The following RFTN2 variants were observed in gnomAD, a reference collection of about 807,000 sequenced individuals.
The protein encoded by RFTN2 is raftlin family member 2.
In RFTN2, 34 loss-of-function variants were observed where a neutral mutation model predicts 52.7. That is an observed-to-expected ratio of 0.64 (90% CI 0.49 to 0.86). RFTN2 has a LOEUF of 0.86. Among genes scored for constraint, RFTN2 ranks in the 40% least tolerant of loss-of-function variants. RFTN2 has a pLI of 0.00. For synonymous variants in RFTN2, 203 were observed against 217.7 expected (o/e 0.93, Z 0.59); for missense variants, 536 against 600.1 (o/e 0.89, Z 1.12).
intron 1 of RFTN2, among the ~76,000 whole-genome samples, chr2:197,664,835 C>G (rs1467871991): frequency 1.3e-5 from 2 of 152,090 alleles, no homozygotes; most frequent in Non-Finnish European, 2.9e-5. Flanking sequence ...ATGATTTATT[C>G]TAGAGAATGT....
At chr2:197,591,960 C>T (rs2087722846) in intron 8 of RFTN2, among the ~76,000 whole-genome samples, 1 of 152,106 alleles carries the variant, frequency 6.6e-6, no homozygotes, top group Non-Finnish European at 1.5e-5. Flanking sequence ...CCCTGCAAGC[C>T]GAGGGAGCCG....
chr2:197,667,464 C>A (rs2089078217), intron 1 of RFTN2, among the ~76,000 whole-genome samples: 1 of 152,088 alleles, frequency 6.6e-6, no homozygotes, highest in South Asian at 2.1e-4. Context: ...TGATCTGTTG[C>A]CTGAGGATTA....
At chr2:197,637,216 C>G (rs1475408152) in intron 3 of RFTN2, among the ~76,000 whole-genome samples, 1 of 151,616 alleles carries the variant, frequency 6.6e-6, no homozygotes, top group Non-Finnish European at 1.5e-5. Context: ...TTGGTTGTGT[C>G]TCTGCCCGGC....
At chr2:197,609,814 C>T (rs879904520) in intron 7 of RFTN2, among the ~76,000 whole-genome samples, 1 of 152,110 alleles carries the variant, frequency 6.6e-6, no homozygotes, top group South Asian at 2.1e-4. Flanking sequence ...GGGAAGGGAT[C>T]CAGTTTCAGC....
chr2:197,569,944 A>AG lies in RFTN2; in HGVS notation c.*2063_*2064insC, dbSNP rs1487786056. ...GGCTCTGTCTCAAAAAAAAAAAAAA[A>AG]AAAAAAAAGTTATTGCTATATTTCT... On this transcript the variant is annotated 3_prime_UTR_variant, in exon 9 of 9. Coordinates refer to ENST00000295049, the MANE Select transcript of RFTN2 (RefSeq NM_144629.3). 6.6e-6 allele frequency: 1 copy of AG among 151,766 alleles called. No homozygotes were observed. Among genetic ancestry groups the AG allele is most frequent in the Non-Finnish European group, 1.5e-5 (1 of 67,952 alleles). 9.4% of individuals were successfully genotyped at this position (151,766 alleles called of 1,614,324 possible).
chr2:197,613,216 T>C (rs1161407963), intron 7 of RFTN2, among the ~76,000 whole-genome samples: 1 of 152,242 alleles, frequency 6.6e-6, no homozygotes, highest in Non-Finnish European at 1.5e-5. Context: ...TCAGAAATTT[T>C]GGTTCTGCTA....
intron 1 of RFTN2, among the ~76,000 whole-genome samples, chr2:197,662,221 G>A (rs1360762836): frequency 6.6e-6 from 1 of 152,064 alleles, no homozygotes; most frequent in Non-Finnish European, 1.5e-5. Context: ...ATGTCCTGAA[G>A]TGTTTTTCTT....
rs149644311 is a variant in RFTN2, at chr2:197,642,202, C to T, written c.438+1956G>A. Among the ~76,000 whole-genome samples, 5 of 152,270 alleles carry T rather than the reference C, an allele frequency of 3.3e-5. No individual in the cohort carries two copies. The East Asian group carries it at 9.6e-4, about 29-fold the overall frequency. On this transcript the variant is annotated intron_variant, in intron 3 of 8. Transcript: ENST00000295049. Reference sequence around the variant, plus strand: ...TATCCCCAAACCACAGATAATCTTACATACATAGTATTTAACGCTTGGAAA... The same window carrying T: ...TATCCCCAAACCACAGATAATCTTATATACATAGTATTTAACGCTTGGAAA...
chr2:197,656,738 T>G (rs953191622), intron 1 of RFTN2, among the ~76,000 whole-genome samples: 1 of 152,154 alleles, frequency 6.6e-6, no homozygotes, highest in African/African-American at 2.4e-5. Flanking sequence ...AGAGCAGAAA[T>G]CTTGAACTCA....
At chr2:197,634,362 C>T (rs951815316) in intron 3 of RFTN2, among the ~76,000 whole-genome samples, 1 of 152,058 alleles carries the variant, frequency 6.6e-6, no homozygotes, top group African/African-American at 2.4e-5. Context: ...CCAAGAAATT[C>T]CTAAAAATAA....
chr2:197,581,702 G>A (rs995702022), intron 8 of RFTN2, among the ~76,000 whole-genome samples: 4 of 151,976 alleles, frequency 2.6e-5, no homozygotes, highest in African/African-American at 4.8e-5. Flanking sequence ...TACCTACCTC[G>A]GCATAATTCT....
intron 7 of RFTN2, among the ~76,000 whole-genome samples, chr2:197,609,218 C>G (rs955207224): frequency 1.3e-5 from 2 of 152,162 alleles, no homozygotes; most frequent in Admixed American, 6.5e-5. Context: ...CACTGTCTTC[C>G]ACATGGTTGA....
In RFTN2 at chr2:197,596,021, A is replaced by G. The variant is rs1187316803; in HGVS notation, c.1203T>C (p.Val401=). The change falls in exon 8 of 9, where the codon GTT becomes GTC. Residue 401 remains valine (V), a synonymous_variant. Coordinates refer to ENST00000295049, the MANE Select transcript of RFTN2 (RefSeq NM_144629.3). ...TKQIVFLQRP[V]MWNSAAQTPD... ...GTGTTTGAGCAGCTGAATTCCACAT[A>G]ACTGGCCTCTGAAGGAATACGATCT... 1 of 1,612,630 alleles carries G rather than the reference A, an allele frequency of 6.2e-7. No homozygotes were observed. The highest frequency in any genetic ancestry group is 8.5e-7 in the Non-Finnish European group (1 of 1,178,804).
rs1383098093 is a variant in RFTN2, at chr2:197,646,471, T to C, written c.323+12A>G. The C allele has an allele frequency of 1.9e-6, 3 of 1,604,948 alleles. No individual in the cohort carries two copies. Among genetic ancestry groups the C allele is most frequent in the Non-Finnish European group, 2.6e-6 (3 of 1,175,630 alleles). On this transcript the variant is annotated intron_variant, in intron 2 of 8. Coordinates refer to ENST00000295049, the MANE Select transcript of RFTN2 (RefSeq NM_144629.3). Reference sequence around the variant, plus strand: ...CACCCTCACCTGCCTCTTTCTTGAATAGTGTGCTTACCTTAATTTCAAGCG... The same window carrying C: ...CACCCTCACCTGCCTCTTTCTTGAACAGTGTGCTTACCTTAATTTCAAGCG...
At chr2:197,624,722 A>G (rs2088326219) in intron 5 of RFTN2, among the ~76,000 whole-genome samples, 1 of 151,198 alleles carries the variant, frequency 6.6e-6, no homozygotes, top group South Asian at 2.1e-4. Flanking sequence ...GCACTTTGGG[A>G]GGCTGAGGCA....
At chr2:197,632,874 T>C (rs2088489450) in intron 4 of RFTN2, among the ~76,000 whole-genome samples, 1 of 152,312 alleles carries the variant, frequency 6.6e-6, no homozygotes, top group East Asian at 1.9e-4. Context: ...GAAGGATCAG[T>C]TAATAGCAGT....
chr2:197,572,701 T>C (rs77694291), intron 8 of RFTN2, among the ~76,000 whole-genome samples: 1,746 of 152,314 alleles, frequency 0.011, 32 homozygotes, highest in African/African-American at 0.04. Flanking sequence ...TACACCCATG[T>C]CATGTAGACA....
At chr2:197,669,141 T>C (rs1018994727) in intron 1 of RFTN2, among the ~76,000 whole-genome samples, 1 of 152,238 alleles carries the variant, frequency 6.6e-6, no homozygotes, top group Admixed American at 6.5e-5. Context: ...TAAAATACAA[T>C]AAAATTCTAT....
In RFTN2 at chr2:197,633,579, A is replaced by C. The variant is rs567383677; in HGVS notation, c.718+139T>G. On this transcript the variant is annotated intron_variant, in intron 4 of 8. Transcript: ENST00000295049. Reference sequence around the variant, plus strand: ...ATTGCTAGCTGTAATAACTTTTAAAAATCATGAGGTTTTTATTAGTTCATT... The same window carrying C: ...ATTGCTAGCTGTAATAACTTTTAAACATCATGAGGTTTTTATTAGTTCATT... The C allele has an allele frequency of 1.0e-4, 70 of 700,234 alleles. No individual in the cohort carries two copies. In the African/African-American group the frequency reaches 1.2e-3, roughly 12 times the overall value. The allele number at this position is 700,234 out of a possible 1,614,324, so 43.4% of individuals were successfully genotyped here. A position where few individuals can be genotyped will look rare whatever the true frequency, so the allele number is the denominator to read the frequency against.
Sources: allele counts gnomAD v4.1 joint callset (sites outside exome capture counted in the v4.1 genomes callset), GRCh38; gene constraint gnomAD v4.1.1; transcripts MANE v1.5; gene names NCBI Gene and HGNC (gene_info 2026-07-23, HGNC 2026-07-21).